GNAS: variants seen among roughly 807,000 people sequenced by gnomAD.
The protein encoded by GNAS is GNAS complex locus.
GNAS carries 8 observed loss-of-function variants against 54.5 expected under a neutral mutation model. The observed-to-expected ratio is 0.15, with a 90% CI of 0.09 to 0.26. The LOEUF (loss-of-function observed/expected upper bound fraction) is 0.26. Ranked by LOEUF, GNAS falls within the 10% of genes least tolerant of loss-of-function variation. GNAS has a pLI of 1.00. For synonymous variants in GNAS, 204 were observed against 191.4 expected, an observed-to-expected ratio of 1.07 and a Z score of -0.54; for missense variants, 170 against 529.8, an observed-to-expected ratio of 0.32 and a Z score of 6.67.
intron 3 of GNAS, chr20:58,900,315 A>AAT: frequency 3.2e-6 from 1 of 311,396 alleles, no homozygotes. Flanking sequence ...GAACCCTACT[A>AAT]ATACCTTGGC....
intron 1 of GNAS, chr20:58,851,008 G>A (rs902054683): frequency 7.5e-6 from 3 of 398,068 alleles, no homozygotes; most frequent in African/African-American, 4.1e-5. Context: ...CCGGCGCTGG[G>A]GTCGGAGGGG....
intron 6 of GNAS, among the ~76,000 whole-genome samples, chr20:58,906,953 T>C (rs2091103064): frequency 6.6e-6 from 1 of 152,230 alleles, no homozygotes; most frequent in Non-Finnish European, 1.5e-5. Flanking sequence ...AGAGGTTTGA[T>C]GTTTTAGCCA....
upstream of GNAS, chr20:58,888,362 G>C (rs2088747388): frequency 6.6e-6 from 1 of 152,198 alleles, no homozygotes; most frequent in Non-Finnish European, 1.5e-5. Flanking sequence ...CAGACACCAT[G>C]GTGGCAGCAG....
chr20:58,852,054 T>C (rs1409569848), intron 1 of GNAS, among the ~76,000 whole-genome samples: 4 of 151,780 alleles, frequency 2.6e-5, no homozygotes, highest in African/African-American at 9.7e-5. Flanking sequence ...CCTGCGAAAC[T>C]CTGAGGCCGC....
chr20:58,889,344 T>C, upstream of GNAS: 1 of 985,246 alleles, frequency 1.0e-6, no homozygotes, highest in South Asian at 4.6e-5. Flanking sequence ...TGAGTGCACC[T>C]CACTCACATG....
chr20:58,854,839 A>G, intron 1 of GNAS: 3 of 1,596,660 alleles, frequency 1.9e-6, no homozygotes, highest in Non-Finnish European at 2.5e-6. Flanking sequence ...GCCAGACGCA[A>G]GATCCATCTC....
chr20:58,909,866 T>C lies in GNAS; in HGVS notation c.839+62T>C, dbSNP rs1361559037. 2.0e-5 allele frequency: 33 copies of C among 1,612,666 alleles called. No individual in the cohort carries two copies. Among genetic ancestry groups the C allele is most frequent in the Non-Finnish European group, 2.7e-5 (32 of 1,179,590 alleles). On this transcript the variant is annotated intron_variant, in intron 10 of 12. Coordinates refer to ENST00000371085, the MANE Select transcript of GNAS (RefSeq NM_000516.7). This position sits in a 1 kb window ranked among gnomAD's most constrained non-coding sequence, Gnocchi z 7.3. ...AGGAGGCCCTGGTCTGCACTGTTTA[T>C]AGAGAAGAACCCCGTGCAAGCATTC...
intron 3 of GNAS, chr20:58,899,496 G>A (rs772557281): frequency 3.1e-5 from 17 of 541,670 alleles, no homozygotes; most frequent in Admixed American, 2.7e-4. Flanking sequence ...GAATCATCTC[G>A]AAAAGCCTCT....
chr20:58,861,146 C>T (rs1450455150), intron 1 of GNAS, among the ~76,000 whole-genome samples: 1 of 152,118 alleles, frequency 6.6e-6, no homozygotes, highest in Non-Finnish European at 1.5e-5. Context: ...TCAGGAGACA[C>T]ATCAGTAGTG....
chr20:58,872,074 A>G (rs1378380824), intron 1 of GNAS, among the ~76,000 whole-genome samples: 1 of 152,188 alleles, frequency 6.6e-6, no homozygotes, highest in Admixed American at 6.5e-5. Context: ...AGTGCCAACC[A>G]GAAGAGCTGG....
intron 3 of GNAS, chr20:58,903,330 G>A (rs1210394586): frequency 1.5e-6 from 1 of 667,124 alleles, no homozygotes; most frequent in Non-Finnish European, 2.7e-6. Context: ...GCCCCGATTG[G>A]GCGTGTCCTC....
chr20:58,878,512 A>C (rs2087988437), intron 1 of GNAS, among the ~76,000 whole-genome samples: 1 of 152,224 alleles, frequency 6.6e-6, no homozygotes, highest in African/African-American at 2.4e-5. Flanking sequence ...CAACATCTGC[A>C]GAATCTTATG....
intron 1 of GNAS, chr20:58,849,037 C>T (rs1179993362): frequency 5.1e-6 from 2 of 394,494 alleles, no homozygotes; most frequent in East Asian, 7.2e-5. Flanking sequence ...ATCTAAGGGT[C>T]CTTTCTCAGC....
chr20:58,910,277 C>T lies in GNAS; in HGVS notation c.971-57C>T. On this transcript the variant is annotated intron_variant, in intron 11 of 12. Coordinates refer to ENST00000371085, the MANE Select transcript of GNAS (RefSeq NM_000516.7). This position sits in a 1 kb window ranked among gnomAD's most constrained non-coding sequence, Gnocchi z 5.8. The stretch of plus-strand genomic sequence containing the variant: ...ACTTCAGGAGCTACAGAGATGCTAG[C>T]ACCCCAGCTCTGCTTGAATTTTAAA... 1 of 1,365,144 alleles carries T rather than the reference C, an allele frequency of 7.3e-7. No homozygotes were observed. Among genetic ancestry groups the T allele is most frequent in the East Asian group, 2.3e-5 (1 of 43,792 alleles). 84.6% of individuals were successfully genotyped at this position (1,365,144 alleles called of 1,614,324 possible).
At position 58,892,163 on chromosome 20, in the gene GNAS, C is replaced by T. The variant is rs937132632; in HGVS notation, c.139+298C>T. ...TCGCTCTCGCTCTCCCCCTCTTTCTCTCTTTCTCTCTTTTTCCGCGAGGCC... is the reference window on the plus strand; with the variant it reads ...TCGCTCTCGCTCTCCCCCTCTTTCTTTCTTTCTCTCTTTTTCCGCGAGGCC... On this transcript the variant is annotated intron_variant, in intron 1 of 12. Coordinates refer to ENST00000371085, the MANE Select transcript of GNAS (RefSeq NM_000516.7). 49 of 967,000 alleles carry T rather than the reference C, an allele frequency of 5.1e-5. 1 individual carries two copies. In the South Asian group the frequency reaches 5.8e-4, roughly 11 times the overall value. 59.9% of individuals were successfully genotyped at this position (967,000 alleles called of 1,614,324 possible).
At chr20:58,884,455 A>G (rs2088454557) in intron 1 of GNAS, 1 of 152,240 alleles carries the variant, frequency 6.6e-6, no homozygotes, top group East Asian at 1.9e-4. Flanking sequence ...ACTGGGCTCA[A>G]TATCACATCT....
Position 58,896,020 on chromosome 20 carries a change from G to A in GNAS, c.212+336G>A, listed in dbSNP as rs148998337. Among the ~76,000 whole-genome samples, 12 of 152,252 alleles carry A rather than the reference G, an allele frequency of 7.9e-5. No individual in the cohort carries two copies. The East Asian group carries it at 1.4e-3, about 17-fold the overall frequency. On this transcript the variant is annotated intron_variant, in intron 2 of 12. Transcript: ENST00000371085. ...GGGCCAGGTCCCTGCCACAGTCTTC[G>A]GACATCACTGCAGTGTCTTCAACGT...
chr20:58,892,175 T>C (rs2089480360), intron 1 of GNAS: 1 of 959,582 alleles, frequency 1.0e-6, no homozygotes, highest in African/African-American at 1.8e-5. Flanking sequence ...CTTTCTCTCT[T>C]TTTCCGCGAG....
chr20:58,899,029 A>C lies in GNAS; in HGVS notation c.257+44A>C, dbSNP rs1437120397. Reference sequence around the variant, plus strand: ...AGAAAAAATTGTTAACAAACCAAACAAACATGAAGATCATACTGGGAAACT... The same window carrying C: ...AGAAAAAATTGTTAACAAACCAAACCAACATGAAGATCATACTGGGAAACT... On this transcript the variant is annotated intron_variant, in intron 3 of 12. Transcript: ENST00000371085. The C allele has an allele frequency of 2.7e-6, 4 of 1,460,458 alleles. No individual in the cohort carries two copies. The African/African-American group carries it at 5.6e-5, about 20-fold the overall frequency. 90.5% of individuals were successfully genotyped at this position (1,460,458 alleles called of 1,614,324 possible).
Sources: allele counts gnomAD v4.1 joint callset (sites outside exome capture counted in the v4.1 genomes callset), GRCh38; gene constraint gnomAD v4.1.1; non-coding constraint Gnocchi (gnomAD v3.1); transcripts MANE v1.5; gene names NCBI Gene and HGNC (gene_info 2026-07-23, HGNC 2026-07-21).